The following FAM107B variants were observed in gnomAD, a reference collection of about 807,000 sequenced individuals.
FAM107B encodes the protein protein FAM107B.
In FAM107B, 21 loss-of-function variants were observed where a neutral mutation model predicts 31.5. That is an observed-to-expected ratio of 0.67 (90% confidence interval 0.47 to 0.96). The LOEUF (loss-of-function observed/expected upper bound fraction) is 0.96, where lower values mean the gene tolerates loss of function less well. Ranked by LOEUF, FAM107B falls within the 40% of genes least tolerant of loss-of-function variation. FAM107B has a pLI of 0.00. For synonymous variants in FAM107B, 157 were observed against 141.5 expected (o/e 1.11, Z -0.78); for missense variants, 452 against 377.1 (o/e 1.20, Z -1.64).
chr10:14,521,383 T>C (rs1339127191), intron 4 of FAM107B, 77 bp from the exon 5 acceptor site: 2 of 1,218,384 alleles, frequency 1.6e-6, no homozygotes, highest in Non-Finnish European at 2.4e-6. Flanking sequence ...CTTTTCAAAG[T>C]CCCTGACAAC....
In FAM107B at chr10:14,597,356, A is replaced by C. The variant is rs1028832013; in HGVS notation, c.470-66841T>G. On this transcript the variant is annotated intron_variant, in intron 2 of 4. Transcript: ENST00000181796. ...AAACTTGGATAAAGCGTGAGTTTTA[A>C]CTTTCACAAAGTATGCTCTGTCCCA... Among the ~76,000 whole-genome samples, 8 of 152,226 alleles carry C rather than the reference A, an allele frequency of 5.3e-5. No individual in the cohort carries two copies. The East Asian group carries it at 1.5e-3, about 29-fold the overall frequency.
intron 2 of FAM107B, among the ~76,000 whole-genome samples, chr10:14,558,384 AT>A (rs1349768015): frequency 6.6e-6 from 1 of 152,228 alleles, no homozygotes; most frequent in African/African-American, 2.4e-5. Context: ...ACCTAATTAA[AT>A]TATTTCACCC....
intron 2 of FAM107B, among the ~76,000 whole-genome samples, chr10:14,559,738 A>AT (rs56026288): frequency 1.3e-4 from 18 of 142,930 alleles, no homozygotes; most frequent in African/African-American, 4.7e-4. Flanking sequence ...CGCCTGGCTA[A>AT]TTTTTTTTTT....
intron 1 of FAM107B, among the ~76,000 whole-genome samples, chr10:14,745,427 T>C (rs530925549): frequency 6.6e-6 from 1 of 152,314 alleles, no homozygotes; most frequent in African/African-American, 2.4e-5. Flanking sequence ...AGCTTTTTGA[T>C]GTAGGCATTT....
chr10:14,594,515 A>C (rs1168913165), intron 2 of FAM107B, among the ~76,000 whole-genome samples: 5 of 136,610 alleles, frequency 3.7e-5, no homozygotes, highest in East Asian at 2.7e-4. Context: ...AAAAAAAAAA[A>C]AACAAAAAAA....
At chr10:14,706,088 G>C (rs1270204804) in intron 1 of FAM107B, among the ~76,000 whole-genome samples, 1 of 152,176 alleles carries the variant, frequency 6.6e-6, no homozygotes, top group Non-Finnish European at 1.5e-5. Flanking sequence ...CAGAGGATTG[G>C]CCTGATAAAC....
At chr10:14,654,523 T>G (rs1042755396) in intron 2 of FAM107B, among the ~76,000 whole-genome samples, 1 of 152,202 alleles carries the variant, frequency 6.6e-6, no homozygotes, top group East Asian at 1.9e-4. Flanking sequence ...GGATAAGAAA[T>G]CAGAGGTGAT....
At chr10:14,605,108 A>G (rs1296825982) in intron 2 of FAM107B, among the ~76,000 whole-genome samples, 23 of 152,212 alleles carry the variant, frequency 1.5e-4, no homozygotes, top group Non-Finnish European at 4.4e-5. Flanking sequence ...AAAAGGAGAC[A>G]TTTGTTGTAA....
At chr10:14,763,167 C>T (rs1833091604) in intron 1 of FAM107B, among the ~76,000 whole-genome samples, 2 of 152,068 alleles carry the variant, frequency 1.3e-5, no homozygotes, top group East Asian at 3.9e-4. Context: ...GAGGCTGAGG[C>T]AGGAGAGTAG....
At chr10:14,709,296 G>C (rs1030994646) in intron 1 of FAM107B, among the ~76,000 whole-genome samples, 2 of 152,140 alleles carry the variant, frequency 1.3e-5, no homozygotes, top group Non-Finnish European at 2.9e-5. Flanking sequence ...CCATTTTCAG[G>C]CTGCCAATAA....
chr10:14,699,257 G>A (rs769436548), intron 1 of FAM107B, among the ~76,000 whole-genome samples: 43 of 152,266 alleles, frequency 2.8e-4, no homozygotes, highest in Non-Finnish European at 5.7e-4. Context: ...TATTTTGATG[G>A]GTTGATGTAT....
At chr10:14,639,188 T>C (rs531756439) in intron 2 of FAM107B, among the ~76,000 whole-genome samples, 2 of 152,250 alleles carry the variant, frequency 1.3e-5, no homozygotes, top group East Asian at 1.9e-4. Flanking sequence ...ACCAACACCC[T>C]GTTTCCAAAA....
chr10:14,543,170 C>T (rs751053170), intron 2 of FAM107B, among the ~76,000 whole-genome samples: 2 of 152,094 alleles, frequency 1.3e-5, no homozygotes, highest in Non-Finnish European at 2.9e-5. Flanking sequence ...CAGCAAAGCA[C>T]GTTCTGTGGT....
chr10:14,568,804 G>A (rs1202340293), intron 2 of FAM107B, among the ~76,000 whole-genome samples: 1 of 151,630 alleles, frequency 6.6e-6, no homozygotes, highest in Non-Finnish European at 1.5e-5. Context: ...GGGAGAGAGG[G>A]TGGGGTGGAA....
intron 1 of FAM107B, among the ~76,000 whole-genome samples, chr10:14,753,441 G>A (rs2131584096): frequency 6.8e-6 from 1 of 146,522 alleles, no homozygotes; most frequent in Non-Finnish European, 1.5e-5. Context: ...CCTTCATCAT[G>A]GGAGGTCTTC....
chr10:14,589,342 T>C (rs1034972498), intron 2 of FAM107B, among the ~76,000 whole-genome samples: 1 of 152,176 alleles, frequency 6.6e-6, no homozygotes, highest in Admixed American at 6.5e-5. Flanking sequence ...CCATCTATAA[T>C]CTGAAAGCTT....
chr10:14,603,329 G>GC (rs1403928821), intron 2 of FAM107B, among the ~76,000 whole-genome samples: 3 of 152,078 alleles, frequency 2.0e-5, no homozygotes, highest in African/African-American at 7.2e-5. Flanking sequence ...GCAAGAAATC[G>GC]CAAGTTTAAG....
intron 1 of FAM107B, among the ~76,000 whole-genome samples, chr10:14,758,040 A>C (rs12268843): frequency 0.028 from 4,295 of 152,260 alleles, 217 homozygotes; most frequent in African/African-American, 0.099. Context: ...TCTTTGCAAG[A>C]TAGGAGGGGA....
At chr10:14,538,942 C>G (rs1451191214) in intron 2 of FAM107B, among the ~76,000 whole-genome samples, 2 of 152,206 alleles carry the variant, frequency 1.3e-5, no homozygotes, top group Non-Finnish European at 2.9e-5. Context: ...AACTGGAAAT[C>G]AGAGCTAGTA....
Sources: allele counts gnomAD v4.1 joint callset (sites outside exome capture counted in the v4.1 genomes callset), GRCh38; gene constraint gnomAD v4.1.1; transcripts MANE v1.5; gene names NCBI Gene and HGNC (gene_info 2026-07-23, HGNC 2026-07-21).